Variants in CAPN8 observed in about 807,000 individuals in gnomAD.
CAPN8 encodes calpain-8.
A neutral mutation model predicts 80.9 loss-of-function variants in CAPN8; 87 were observed. That is an observed-to-expected ratio of 1.07 (90% confidence interval 0.90 to 1.28). The LOEUF is 1.28. CAPN8 is among the 50% of genes most tolerant of loss of function. The probability of loss-of-function intolerance (pLI) is 0.00; values close to 1 mark genes in which losing one functional copy is unlikely to be tolerated. For missense variants in CAPN8, 757 were observed against 702.0 expected (o/e 1.08, Z -0.89); for synonymous variants, 299 against 273.8 (o/e 1.09, Z -0.91).
chr1:223,620,960 C>T (rs1572236362), intron 7 of CAPN8, among the ~76,000 whole-genome samples: 1 of 83,010 alleles, frequency 1.2e-5, no homozygotes, highest in South Asian at 4.4e-4. Flanking sequence ...GTATCAAGAT[C>T]CATCTTTAAA....
intron 2 of CAPN8, among the ~76,000 whole-genome samples, chr1:223,637,648 A>T (rs2102722112): frequency 6.6e-6 from 1 of 152,248 alleles, no homozygotes; most frequent in East Asian, 1.9e-4. Context: ...CTTCCGGCTT[A>T]AGGGGTAGCT....
chr1:223,659,187 T>A (rs1658573888), intron 1 of CAPN8, among the ~76,000 whole-genome samples: 1 of 152,228 alleles, frequency 6.6e-6, no homozygotes, highest in Admixed American at 6.5e-5. Flanking sequence ...AGAAAGTGAC[T>A]GAAACCCACA....
At chr1:223,647,061 T>C (rs1571733625) in intron 2 of CAPN8, among the ~76,000 whole-genome samples, 1 of 152,226 alleles carries the variant, frequency 6.6e-6, no homozygotes, top group Non-Finnish European at 1.5e-5. Context: ...GGACTCAGGC[T>C]CACTGGCAAT....
At chr1:223,625,017 C>T (rs970356218) in intron 6 of CAPN8, among the ~76,000 whole-genome samples, 6 of 152,050 alleles carry the variant, frequency 3.9e-5, no homozygotes, top group South Asian at 4.1e-4. Flanking sequence ...GGCGTGAACC[C>T]GAGAGGCGGA....
At chr1:223,552,053 G>A (rs1558337187) in intron 14 of CAPN8, among the ~76,000 whole-genome samples, 1 of 152,222 alleles carries the variant, frequency 6.6e-6, no homozygotes, top group Non-Finnish European at 1.5e-5. Flanking sequence ...GAAATGCAGA[G>A]AAGGCGTGCT....
intron 2 of CAPN8, among the ~76,000 whole-genome samples, chr1:223,653,817 A>G (rs1161837404): frequency 2.0e-5 from 3 of 152,176 alleles, no homozygotes; most frequent in Admixed American, 1.3e-4. Context: ...ACTGCCCCTA[A>G]TTTAAAAGGA....
chr1:223,633,833 G>A (rs1162516393), intron 2 of CAPN8, among the ~76,000 whole-genome samples: 2 of 152,142 alleles, frequency 1.3e-5, no homozygotes, highest in Non-Finnish European at 2.9e-5. Context: ...TCGAGCTATA[G>A]CTTAATGGAA....
intron 2 of CAPN8, among the ~76,000 whole-genome samples, chr1:223,651,522 A>T (rs991165502): frequency 1.3e-5 from 2 of 152,220 alleles, no homozygotes; most frequent in African/African-American, 2.4e-5. Flanking sequence ...TACATTTAGG[A>T]TGAAAATCTG....
rs978726414 is a variant in CAPN8 at position 223,622,798 on chromosome 1, G to T, written c.899+17C>A. The T allele has an allele frequency of 2.9e-5, 45 of 1,544,434 alleles. No homozygotes were observed. Among genetic ancestry groups the T allele is most frequent in the Admixed American group, 3.9e-5 (2 of 50,948 alleles). On this transcript the variant is annotated intron_variant, in intron 7 of 20. Transcript: ENST00000366872. ...CAGAGGGAGAGATGACTGGAGAAGC[G>T]GGGGAAAAAAACCTACTCATCGCTC... is the stretch of plus-strand genomic sequence containing the variant.
At chr1:223,645,306 G>C (rs995496141) in intron 2 of CAPN8, among the ~76,000 whole-genome samples, 1 of 152,026 alleles carries the variant, frequency 6.6e-6, no homozygotes, top group Admixed American at 6.6e-5. Context: ...ATTGAGGGTG[G>C]GTCTGCCTCT....
chr1:223,642,089 G>C (rs2186009), intron 2 of CAPN8, among the ~76,000 whole-genome samples: 27,034 of 152,116 alleles, frequency 0.18, 3,011 homozygotes, highest in East Asian at 0.29. Context: ...CAGTGTTCTA[G>C]AAGCAAGATT....
chr1:223,552,574 A>C (rs1037964629), intron 14 of CAPN8, among the ~76,000 whole-genome samples: 23 of 151,510 alleles, frequency 1.5e-4, no homozygotes, highest in African/African-American at 4.8e-4. Context: ...AAAAAAAAAA[A>C]AAAAAAAGAC....
chr1:223,551,116 C>A, intron 14 of CAPN8, 99 bp from the exon 15 acceptor site: 2 of 665,418 alleles, frequency 3.0e-6, no homozygotes, highest in East Asian at 5.5e-5. Flanking sequence ...GACACCAGGC[C>A]CACTGGCCCT....
intron 16 of CAPN8, among the ~76,000 whole-genome samples, chr1:223,546,620 T>C (rs72747904): frequency 0.041 from 6,237 of 152,260 alleles, 143 homozygotes; most frequent in Non-Finnish European, 0.051. Flanking sequence ...CTCTACATAC[T>C]TGTATCTCAT....
chr1:223,642,105 G>A (rs575537219), intron 2 of CAPN8, among the ~76,000 whole-genome samples: 2 of 152,288 alleles, frequency 1.3e-5, no homozygotes, highest in South Asian at 2.1e-4. Flanking sequence ...AGATTATAGA[G>A]AACATCAATC....
chr1:223,547,915 C>A (rs1207107681), intron 16 of CAPN8, among the ~76,000 whole-genome samples: 1 of 152,172 alleles, frequency 6.6e-6, no homozygotes, highest in Admixed American at 6.5e-5. Context: ...TCCTTGCAGT[C>A]CACAAATTAA....
chr1:223,623,037 A>G, intron 6 of CAPN8, 137 bp from the exon 7 acceptor site: 2 of 653,928 alleles, frequency 3.1e-6, no homozygotes, highest in Non-Finnish European at 5.3e-6. Context: ...CCTTTAATGC[A>G]TCTTTTCAGG....
intron 10 of CAPN8, among the ~76,000 whole-genome samples, chr1:223,615,014 T>G (rs945729828): frequency 6.6e-6 from 1 of 152,270 alleles, no homozygotes; most frequent in African/African-American, 2.4e-5. Context: ...TGTGCACACA[T>G]GCACATATAC....
intron 6 of CAPN8, among the ~76,000 whole-genome samples, chr1:223,625,271 A>G (rs891042954): frequency 1.3e-5 from 2 of 152,034 alleles, no homozygotes; most frequent in Non-Finnish European, 2.9e-5. Flanking sequence ...TTTTGCCCAC[A>G]CAAACATATT....
Sources: allele counts gnomAD v4.1 joint callset (sites outside exome capture counted in the v4.1 genomes callset), GRCh38; gene constraint gnomAD v4.1.1; transcripts MANE v1.5; gene names NCBI Gene and HGNC (gene_info 2026-07-23, HGNC 2026-07-21).